SGPL1: variants seen among roughly 807,000 people sequenced by gnomAD.
SGPL1 encodes SP-lyase 1.
Under a neutral mutation model 68.9 loss-of-function variants are expected in SGPL1, and 37 were observed. The ratio of observed to expected loss-of-function variants is 0.54; its 90% confidence interval spans 0.41 to 0.71. The LOEUF (loss-of-function observed/expected upper bound fraction) is 0.71, where lower values mean the gene tolerates loss of function less well. Ranked by LOEUF, SGPL1 falls within the 30% of genes least tolerant of loss-of-function variation. The pLI is 0.00. For missense variants in SGPL1, 551 were observed against 704.6 expected (o/e 0.78, Z 2.47); for synonymous variants, 236 against 248.5 (o/e 0.95, Z 0.47).
intron 7 of SGPL1, among the ~76,000 whole-genome samples, chr10:70,861,607 G>A (rs1288211434): frequency 1.3e-5 from 2 of 152,228 alleles, no homozygotes; most frequent in East Asian, 1.9e-4. Flanking sequence ...GGCCAAGGTC[G>A]GAGCCGGCTC....
intron 2 of SGPL1, among the ~76,000 whole-genome samples, chr10:70,831,816 G>C (rs1714449139): frequency 6.6e-6 from 1 of 152,216 alleles, no homozygotes; most frequent in Admixed American, 6.5e-5. Context: ...ACCCAGCAAG[G>C]CCTGTCTGTT....
chr10:70,831,779 G>C (rs949267505), intron 2 of SGPL1, among the ~76,000 whole-genome samples: 4 of 152,186 alleles, frequency 2.6e-5, no homozygotes, highest in African/African-American at 4.8e-5. Flanking sequence ...CAGGAGGCAT[G>C]ATCTCATACT....
chr10:70,872,037 T>C lies in SGPL1; in HGVS notation c.1059+51T>C, dbSNP rs112982294. 102 of 1,556,958 alleles carry C rather than the reference T, an allele frequency of 6.6e-5. No individual in the cohort carries two copies. The African/African-American group carries it at 9.9e-4, about 15-fold the overall frequency. On this transcript the variant is annotated intron_variant, in intron 11 of 14. Transcript: ENST00000373202. ...TACCAGTTGATTATTTTGACTATTA[T>C]TGATAAAATAAATTGGTAGCTTCCC...
chr10:70,877,684 G>A lies in SGPL1; in HGVS notation c.*349G>A, dbSNP rs562091113. The A allele has an allele frequency of 8.7e-4, 181 of 208,472 alleles. No individual in the cohort carries two copies. Among genetic ancestry groups the A allele is most frequent in the African/African-American group, 3.8e-3 (169 of 44,692 alleles). The allele number at this position is 208,472 out of a possible 1,614,324, so 12.9% of individuals were successfully genotyped here. On this transcript the variant is annotated 3_prime_UTR_variant, in exon 15 of 15. Coordinates refer to ENST00000373202, the MANE Select transcript of SGPL1 (RefSeq NM_003901.4). The stretch of plus-strand genomic sequence containing the variant: ...GTCCTGATTCTTTAGAGAAGCTGGG[G>A]TACAGTTTATGAGATAGCTAGAGCT...
intron 2 of SGPL1, among the ~76,000 whole-genome samples, chr10:70,820,013 T>C (rs1343977882): frequency 6.6e-6 from 1 of 152,194 alleles, no homozygotes; most frequent in Non-Finnish European, 1.5e-5. Context: ...TCCCGTCTTT[T>C]CTGCTAATGG....
intron 11 of SGPL1, 127 bp downstream of exon 11, chr10:70,872,113 C>A: frequency 2.1e-6 from 2 of 945,768 alleles, no homozygotes; most frequent in Non-Finnish European, 3.1e-6. Flanking sequence ...TTGTTTTAAA[C>A]TCTCTCTTTG....
intron 2 of SGPL1, among the ~76,000 whole-genome samples, chr10:70,819,907 G>A (rs144092316): frequency 0.018 from 2,729 of 152,120 alleles, 58 homozygotes; most frequent in African/African-American, 0.056. Context: ...CCAAAGTGCT[G>A]GATTACAGGC....
At chr10:70,841,002 T>C (rs1833380924) in intron 2 of SGPL1, among the ~76,000 whole-genome samples, 1 of 152,190 alleles carries the variant, frequency 6.6e-6, no homozygotes, top group Non-Finnish European at 1.5e-5. Context: ...CTAATCTGAA[T>C]AATTGTTCTT....
chr10:70,852,675 G>A (rs907326690), intron 4 of SGPL1, among the ~76,000 whole-genome samples: 1 of 152,084 alleles, frequency 6.6e-6, no homozygotes, highest in Non-Finnish European at 1.5e-5. Flanking sequence ...AACAGATTCT[G>A]AGGCTTAGAT....
rs376251973 is a variant in SGPL1 at position 70,854,815 on chromosome 10, A to G, written c.369A>G (p.Ser123=). The G allele has an allele frequency of 3.1e-6, 5 of 1,613,292 alleles. No individual in the cohort carries two copies. The East Asian group carries it at 1.1e-4, about 36-fold the overall frequency. Residue 123 remains serine, a synonymous_variant, in exon 5 of 15, where the codon TCA becomes TCG. Coordinates refer to ENST00000373202, the MANE Select transcript of SGPL1 (RefSeq NM_003901.4). The part of the protein sequence containing the change: ...VKALPSQGLS[S]SAVLEKLKEY... ...CTTTACCCTCCCAGGGTCTGAGCTC[A>G]TCTGCTGTTTTGGAGAAACTTAAGG...
chr10:70,877,143 C>T, intron 14 of SGPL1, 52 bp from the exon 15 acceptor site: 1 of 1,598,220 alleles, frequency 6.3e-7, no homozygotes, highest in Non-Finnish European at 8.6e-7. Context: ...CAGTTTTATT[C>T]TTGCTTTTGG....
chr10:70,868,512 C>A, intron 8 of SGPL1, 79 bp downstream of exon 8: 1 of 1,149,166 alleles, frequency 8.7e-7, no homozygotes, highest in Non-Finnish European at 1.3e-6. Context: ...AGCAGATAAT[C>A]CATTTTCCTG....
At chr10:70,860,244 G>C (rs1021106414) in intron 7 of SGPL1, 36 of 377,248 alleles carry the variant, frequency 9.5e-5, no homozygotes, top group African/African-American at 7.1e-4. Flanking sequence ...AGGATAGATA[G>C]ATTTAACTCA....
At chr10:70,852,741 T>C (rs916510456) in intron 4 of SGPL1, among the ~76,000 whole-genome samples, 32 of 147,932 alleles carry the variant, frequency 2.2e-4, no homozygotes, top group Middle Eastern at 3.5e-3. Flanking sequence ...CGCGCACGCG[T>C]GTGTGTATAC....
chr10:70,862,837 C>T (rs1378494770), intron 7 of SGPL1, among the ~76,000 whole-genome samples: 1 of 152,202 alleles, frequency 6.6e-6, no homozygotes, highest in Non-Finnish European at 1.5e-5. Flanking sequence ...AGAGCTGTAA[C>T]ACTCACCGCG....
intron 12 of SGPL1, among the ~76,000 whole-genome samples, chr10:70,873,994 G>C (rs80328781): frequency 0.018 from 2,791 of 152,272 alleles, 69 homozygotes; most frequent in African/African-American, 0.057. Flanking sequence ...TGATTCAGTG[G>C]AACTGGGATG....
chr10:70,818,877 G>A (rs977576939), intron 2 of SGPL1, among the ~76,000 whole-genome samples: 36 of 152,104 alleles, frequency 2.4e-4, no homozygotes, highest in African/African-American at 8.0e-4. Flanking sequence ...TAAGCAAAAG[G>A]AAAGGGGATT....
In SGPL1 at chr10:70,852,462, A is replaced by G. The variant is rs556671926; in HGVS notation, c.261+1252A>G. ...TATAAGGGGTGGGGACAGGGAAGGT[A>G]TTGTAGAAGATGGACTGTAGCACAA... On this transcript the variant is annotated intron_variant, in intron 4 of 14. Coordinates refer to ENST00000373202, the MANE Select transcript of SGPL1 (RefSeq NM_003901.4). Among the ~76,000 whole-genome samples the G allele has an allele frequency of 7.9e-5, 12 of 152,314 alleles. No individual in the cohort carries two copies. The East Asian group carries it at 2.3e-3, about 29-fold the overall frequency.
intron 2 of SGPL1, among the ~76,000 whole-genome samples, chr10:70,827,245 G>T (rs1035651030): frequency 6.6e-6 from 1 of 152,120 alleles, no homozygotes; most frequent in African/African-American, 2.4e-5. Context: ...TGTAATTTCC[G>T]TATGCATTTC....
Sources: gnomAD v4.1 joint callset for allele counts (sites outside exome capture counted in the v4.1 genomes callset) on GRCh38, gnomAD v4.1.1 for gene constraint, MANE v1.5 for transcripts, NCBI Gene and HGNC (gene_info 2026-07-23, HGNC 2026-07-21) for gene names.